The following HYCC2 variants were observed in gnomAD, a reference collection of about 807,000 sequenced individuals.
HYCC2 encodes the protein hyccin PI4KA lipid kinase complex subunit 2.
chr2:201,042,740 T>TG, the HYCC2 span, among the ~76,000 whole-genome samples: 3 of 143,202 alleles, frequency 2.1e-5, no homozygotes, highest in Admixed American at 2.1e-4. Flanking sequence ...GTCCGGGAGG[T>TG]GGGGGGCAGC....
chr2:200,979,882 A>G, the HYCC2 span: 4 of 152,658 alleles, frequency 2.6e-5, no homozygotes, highest in Non-Finnish European at 5.9e-5. Context: ...ATGTTTTTGT[A>G]ACCTCTTAGC....
the HYCC2 span, among the ~76,000 whole-genome samples, chr2:200,992,592 T>C: frequency 1.8e-3 from 280 of 152,352 alleles, 2 homozygotes; most frequent in African/African-American, 6.4e-3. Flanking sequence ...TTTTATTACA[T>C]GCTGATATTT....
chr2:201,000,057 CAAAAAAAAAAA>C, the HYCC2 span, among the ~76,000 whole-genome samples: 8 of 34,760 alleles, frequency 2.3e-4, no homozygotes, highest in African/African-American at 6.9e-4. Context: ...GACTCCGTCT[CAAAAAAAAAAA>C]AAAAAAAAAA....
chr2:201,004,117 G>GC, the HYCC2 span, among the ~76,000 whole-genome samples: 5 of 152,264 alleles, frequency 3.3e-5, no homozygotes, highest in East Asian at 9.7e-4. Context: ...TGCCTGGCCT[G>GC]TTTGGGTTTT....
At chr2:201,063,266 G>A in the HYCC2 span, 52 of 1,572,708 alleles carry the variant, frequency 3.3e-5, no homozygotes, top group African/African-American at 7.0e-4. Context: ...CTTTGGGTTT[G>A]TCACATATGC....
chr2:201,061,763 G>A, the HYCC2 span, among the ~76,000 whole-genome samples: 995 of 151,938 alleles, frequency 6.5e-3, 7 homozygotes, highest in Admixed American at 1.0e-2. Flanking sequence ...AAAGAAAACG[G>A]AAAATAAACT....
the HYCC2 span, among the ~76,000 whole-genome samples, chr2:200,987,954 T>G: frequency 2.6e-5 from 4 of 151,520 alleles, no homozygotes; most frequent in African/African-American, 9.7e-5. Context: ...TATGTGCACC[T>G]TTTTTTTTCC....
the HYCC2 span, among the ~76,000 whole-genome samples, chr2:201,066,528 GAA>G: frequency 6.6e-6 from 1 of 152,110 alleles, no homozygotes; most frequent in Non-Finnish European, 1.5e-5. Flanking sequence ...CAATACAAAA[GAA>G]TATGGAAAAA....
chr2:201,058,942 A>C, the HYCC2 span, among the ~76,000 whole-genome samples: 4 of 152,338 alleles, frequency 2.6e-5, no homozygotes, highest in Admixed American at 2.6e-4. Context: ...GATGTCATTT[A>C]ATCAGTGGAA....
At chr2:201,029,220 T>C in the HYCC2 span, among the ~76,000 whole-genome samples, 1 of 152,188 alleles carries the variant, frequency 6.6e-6, no homozygotes, top group South Asian at 2.1e-4. Flanking sequence ...TCATCATCAC[T>C]GGTTATCAGA....
At chr2:201,043,056 A>G in the HYCC2 span, among the ~76,000 whole-genome samples, 7 of 152,218 alleles carry the variant, frequency 4.6e-5, no homozygotes, top group African/African-American at 1.7e-4. Context: ...AGAAGTAGAC[A>G]TAGGAGACTC....
the HYCC2 span, among the ~76,000 whole-genome samples, chr2:201,027,240 T>C: frequency 1.3e-5 from 2 of 152,180 alleles, no homozygotes; most frequent in South Asian, 2.1e-4. Context: ...CCTGGACACA[T>C]ACACCCTCCT....
At chr2:201,069,333 A>C in the HYCC2 span, among the ~76,000 whole-genome samples, 1 of 152,176 alleles carries the variant, frequency 6.6e-6, no homozygotes, top group African/African-American at 2.4e-5. Context: ...CAGCTCCAAT[A>C]CTGAAATGTT....
At chr2:201,025,497 A>G in the HYCC2 span, among the ~76,000 whole-genome samples, 2 of 152,224 alleles carry the variant, frequency 1.3e-5, no homozygotes, top group East Asian at 3.9e-4. Context: ...AGAAAGACAC[A>G]GAAGTACAAA....
the HYCC2 span, among the ~76,000 whole-genome samples, chr2:201,033,669 G>A: frequency 6.6e-6 from 1 of 151,920 alleles, no homozygotes; most frequent in Non-Finnish European, 1.5e-5. Flanking sequence ...CTCCCAAAGT[G>A]CTGGGATTAC....
the HYCC2 span, among the ~76,000 whole-genome samples, chr2:201,042,507 T>C: frequency 1.3e-5 from 2 of 149,244 alleles, no homozygotes; most frequent in African/African-American, 2.5e-5. Flanking sequence ...GTCTGGGAAC[T>C]GAGGAGTGTC....
At chr2:201,061,002 G>A in the HYCC2 span, among the ~76,000 whole-genome samples, 1 of 151,658 alleles carries the variant, frequency 6.6e-6, no homozygotes, top group Non-Finnish European at 1.5e-5. Flanking sequence ...AAGGCAATGT[G>A]GCTTACAAAA....
At chr2:201,057,664 T>G in the HYCC2 span, among the ~76,000 whole-genome samples, 1 of 152,106 alleles carries the variant, frequency 6.6e-6, no homozygotes, top group East Asian at 1.9e-4. Flanking sequence ...CACTTACTTC[T>G]ACTAATCAAC....
chr2:201,064,115 A>G, the HYCC2 span: 1 of 1,360,788 alleles, frequency 7.3e-7, no homozygotes, highest in East Asian at 2.3e-5. Flanking sequence ...ACAGGTTACA[A>G]CAGATTTGTG....
Sources: gnomAD v4.1 joint callset for allele counts (sites outside exome capture counted in the v4.1 genomes callset) on GRCh38, gnomAD v4.1.1 for gene constraint, MANE v1.5 for transcripts, NCBI Gene and HGNC (gene_info 2026-07-23, HGNC 2026-07-21) for gene names.